Variants in IQGAP1 observed in about 807,000 individuals in gnomAD.
IQGAP1 encodes IQ motif containing GTPase activating protein 1, also known as ras GTPase-activating-like protein IQGAP1.
IQGAP1 carries 66 observed loss-of-function variants against 215.6 expected under a neutral mutation model. The observed-to-expected ratio is 0.31, with a 90% CI of 0.25 to 0.38. The LOEUF is 0.38. IQGAP1 is among the 10% of genes least tolerant of loss of function. The pLI is 1.00. For missense variants in IQGAP1, 1,712 were observed against 1,997.1 expected (o/e 0.86, Z 2.72); for synonymous variants, 772 against 728.7 (o/e 1.06, Z -0.96).
intron 2 of IQGAP1, among the ~76,000 whole-genome samples, chr15:90,396,619 A>G (rs1345347418): frequency 6.6e-6 from 1 of 152,148 alleles, no homozygotes; most frequent in African/African-American, 2.4e-5. Flanking sequence ...AAATGGTGAC[A>G]TACACTATTT....
intron 30 of IQGAP1, 54 bp downstream of exon 30, chr15:90,484,406 G>A: frequency 1.4e-6 from 2 of 1,475,350 alleles, no homozygotes; most frequent in East Asian, 2.3e-5. Flanking sequence ...ATTATCCCTG[G>A]CTGCTGCTTA....
Position 90,388,325 on chromosome 15 carries a change from A to G in IQGAP1, c.-17A>G. ...AGGTTTCACGGCTTCCTCAGCAGAG[A>G]CTCGGGCTCGTCCGCCATGTCCGCC... On this transcript the variant is annotated 5_prime_UTR_variant, in exon 1 of 38. Transcript: ENST00000268182. The G allele has an allele frequency of 1.9e-6, 3 of 1,595,844 alleles. No individual in the cohort carries two copies. The highest frequency in any genetic ancestry group is 2.6e-6 in the Non-Finnish European group (3 of 1,172,860).
chr15:90,451,637 C>T (rs1231188732), intron 11 of IQGAP1, among the ~76,000 whole-genome samples: 1 of 151,056 alleles, frequency 6.6e-6, no homozygotes, highest in East Asian at 1.9e-4. Flanking sequence ...TTTTTTTTTT[C>T]ATACCCTTAG....
chr15:90,451,256 G>T (rs905361668), intron 11 of IQGAP1, among the ~76,000 whole-genome samples: 2 of 152,172 alleles, frequency 1.3e-5, no homozygotes, highest in African/African-American at 4.8e-5. Flanking sequence ...GCTATAAAGG[G>T]ATACTTGAAG....
chr15:90,453,561 C>T (rs1178131232), intron 13 of IQGAP1, among the ~76,000 whole-genome samples: 1 of 152,086 alleles, frequency 6.6e-6, no homozygotes, highest in African/African-American at 2.4e-5. Context: ...ATCATCTAAC[C>T]CTAGCTAGTT....
chr15:90,452,348 G>C (rs1359057828), intron 11 of IQGAP1, among the ~76,000 whole-genome samples: 1 of 152,182 alleles, frequency 6.6e-6, no homozygotes, highest in African/African-American at 2.4e-5. Flanking sequence ...TGTCTTTGAG[G>C]AATGGTGGTT....
chr15:90,473,263 T>A (rs1433068872), intron 19 of IQGAP1, among the ~76,000 whole-genome samples: 1 of 152,184 alleles, frequency 6.6e-6, no homozygotes, highest in African/African-American at 2.4e-5. Flanking sequence ...TCTGTAAGAT[T>A]TGAACCTTGA....
chr15:90,429,764 A>C, intron 4 of IQGAP1, 98 bp downstream of exon 4: 4 of 678,398 alleles, frequency 5.9e-6, no homozygotes, highest in Non-Finnish European at 9.9e-6. Flanking sequence ...TTATTCTCAG[A>C]ATCTTTGGTG....
At chr15:90,462,056 T>C (rs1396556455) in intron 15 of IQGAP1, among the ~76,000 whole-genome samples, 3 of 151,184 alleles carry the variant, frequency 2.0e-5, no homozygotes, top group African/African-American at 4.8e-5. Flanking sequence ...TAGTCCCAGC[T>C]ACTCGGGAGG....
chr15:90,454,858 G>A (rs1454222653), intron 14 of IQGAP1, among the ~76,000 whole-genome samples: 1 of 152,146 alleles, frequency 6.6e-6, no homozygotes, highest in Non-Finnish European at 1.5e-5. Flanking sequence ...CAGGTTGTAG[G>A]CATGGTCCTC....
At position 90,494,755 on chromosome 15, in the gene IQGAP1, A is replaced by G. The variant is rs1239238129; in HGVS notation, c.4671A>G (p.Lys1557=). Reference sequence around the variant, plus strand: ...GGGAAATGAAAGGAAAGAAAAGCAAAAAGATTTCTCTGAAATATACAGCAG... The same window carrying G: ...GGGAAATGAAAGGAAAGAAAAGCAAGAAGATTTCTCTGAAATATACAGCAG... ...KPREMKGKKS[K]KISLKYTAAR... Residue 1557 remains lysine (K), a synonymous_variant, in exon 36 of 38, where the codon AAA becomes AAG. Transcript: ENST00000268182. 1.9e-5 allele frequency: 31 copies of G among 1,610,536 alleles called. No individual in the cohort carries two copies. Among genetic ancestry groups the G allele is most frequent in the Non-Finnish European group, 2.5e-5 (29 of 1,177,848 alleles).
At chr15:90,495,925 GTTATTA>G (rs541106755) in intron 36 of IQGAP1, among the ~76,000 whole-genome samples, 98 of 148,114 alleles carry the variant, frequency 6.6e-4, no homozygotes, top group African/African-American at 2.0e-3. Context: ...TTATTATTAT[GTTATTA>G]TTATTATTAT....
chr15:90,395,697 A>G (rs150510618), intron 2 of IQGAP1, among the ~76,000 whole-genome samples: 1 of 152,212 alleles, frequency 6.6e-6, no homozygotes, highest in African/African-American at 2.4e-5. Context: ...TATGTGAGGT[A>G]TGTTCAGTGC....
intron 15 of IQGAP1, among the ~76,000 whole-genome samples, chr15:90,458,722 A>C (rs1389625934): frequency 6.6e-6 from 1 of 152,220 alleles, no homozygotes; most frequent in African/African-American, 2.4e-5. Flanking sequence ...CCTAGAGCCA[A>C]CTACTTCTTA....
intron 2 of IQGAP1, among the ~76,000 whole-genome samples, chr15:90,414,915 A>G (rs1414901174): frequency 6.6e-6 from 1 of 152,184 alleles, no homozygotes; most frequent in African/African-American, 2.4e-5. Flanking sequence ...TAATGGCATC[A>G]TCTTTTATGT....
intron 18 of IQGAP1, among the ~76,000 whole-genome samples, chr15:90,469,690 T>C (rs1965879704): frequency 6.6e-6 from 1 of 152,224 alleles, no homozygotes; most frequent in Non-Finnish European, 1.5e-5. Context: ...TAAGGGAATT[T>C]TTCATTTTGT....
At chr15:90,488,198 G>A (rs1297250600) in intron 33 of IQGAP1, among the ~76,000 whole-genome samples, 1 of 151,762 alleles carries the variant, frequency 6.6e-6, no homozygotes, top group Non-Finnish European at 1.5e-5. Context: ...TCCAGCCTGG[G>A]CGACAGAGCG....
chr15:90,459,571 T>A (rs1965732936), intron 15 of IQGAP1, among the ~76,000 whole-genome samples: 1 of 152,214 alleles, frequency 6.6e-6, no homozygotes. Context: ...TGGAATAACT[T>A]TTCAGACTTC....
At chr15:90,471,066 T>C (rs1344840084) in intron 18 of IQGAP1, among the ~76,000 whole-genome samples, 1 of 152,088 alleles carries the variant, frequency 6.6e-6, no homozygotes, top group Non-Finnish European at 1.5e-5. Context: ...CGTTAGCCCT[T>C]TTCCCCACCA....
Sources: allele counts gnomAD v4.1 joint callset (sites outside exome capture counted in the v4.1 genomes callset), GRCh38; gene constraint gnomAD v4.1.1; transcripts MANE v1.5; gene names NCBI Gene and HGNC (gene_info 2026-07-23, HGNC 2026-07-21).